The following SEMA5A variants were observed in gnomAD, a reference collection of about 807,000 sequenced individuals.
The protein encoded by SEMA5A is semaphorin 5A.
In SEMA5A, 55 loss-of-function variants were observed where a neutral mutation model predicts 135.5. The observed-to-expected ratio is 0.41, with a 90% CI of 0.33 to 0.51. SEMA5A has a LOEUF of 0.51. Ranked by LOEUF, SEMA5A falls within the 20% of genes least tolerant of loss-of-function variation. The probability of loss-of-function intolerance (pLI) is 0.37; values close to 1 mark genes in which losing one functional copy is unlikely to be tolerated. For synonymous variants in SEMA5A, 580 were observed against 546.5 expected, an observed-to-expected ratio of 1.06 and a Z score of -0.85; for missense variants, 1,290 against 1,419.9, an observed-to-expected ratio of 0.91 and a Z score of 1.47.
In SEMA5A at chr5:9,062,871, T is replaced by C. The variant is rs1186739521; in HGVS notation, c.2518+16A>G. ...TTGAGTTTTCAGATGTTTTGTAGAC[T>C]ACACAATCCACTTACCTGGGCAGGG... is the stretch of plus-strand genomic sequence containing the variant. On this transcript the variant is annotated intron_variant, in intron 18 of 22. Transcript: ENST00000382496. The C allele has an allele frequency of 5.6e-6, 9 of 1,613,894 alleles. No individual in the cohort carries two copies. In the East Asian group the frequency reaches 2.0e-4, roughly 36 times the overall value.
At chr5:9,170,790 G>A (rs1011914605) in intron 11 of SEMA5A, among the ~76,000 whole-genome samples, 1 of 152,104 alleles carries the variant, frequency 6.6e-6, no homozygotes. Context: ...TCACCCAGTC[G>A]ACAGTAGTTT....
rs1735905585 is a variant in SEMA5A at position 9,040,567 on chromosome 5, A to C, written c.*2330T>G. On this transcript the variant is annotated 3_prime_UTR_variant, in exon 23 of 23. Transcript: ENST00000382496. ...AAATAAGAGAGAGAGAGAAAGGAAGAGAGATAAACAATTTTCCTTTGAACA... is the reference window on the plus strand; with the variant it reads ...AAATAAGAGAGAGAGAGAAAGGAAGCGAGATAAACAATTTTCCTTTGAACA... The C allele has an allele frequency of 6.6e-6, 1 of 152,244 alleles. No individual in the cohort carries two copies. Among genetic ancestry groups the C allele is most frequent in the African/African-American group, 2.4e-5 (1 of 41,470 alleles). The allele number at this position is 152,244 out of a possible 1,614,324, so 9.4% of individuals were successfully genotyped here.
chr5:9,162,562 G>GTGTA (rs1560977227), intron 11 of SEMA5A, among the ~76,000 whole-genome samples: 1 of 63,204 alleles, frequency 1.6e-5, no homozygotes, highest in African/African-American at 5.6e-5. Flanking sequence ...GTGTGTGTGT[G>GTGTA]TGTATATATA....
chr5:9,508,746 C>T (rs963813987), intron 1 of SEMA5A, among the ~76,000 whole-genome samples: 2 of 152,176 alleles, frequency 1.3e-5, no homozygotes, highest in African/African-American at 4.8e-5. Context: ...CCTTCCACAG[C>T]CCTCCTGCCA....
rs536686107 is a variant in SEMA5A at position 9,197,158 on chromosome 5, C to A, written c.1068+10G>T. 3 of 1,614,028 alleles carry A rather than the reference C, an allele frequency of 1.9e-6. No homozygotes were observed. The highest frequency in any genetic ancestry group is 1.1e-5 in the South Asian group (1 of 91,052). On this transcript the variant is annotated intron_variant, in intron 10 of 22. Coordinates refer to ENST00000382496, the MANE Select transcript of SEMA5A (RefSeq NM_003966.3). ...ATGCCAACAGTGCCCCTTTGCCCCC[C>A]GAAAATTACCTGGAAGTGGGGGTTT...
At chr5:9,218,427 T>G (rs990810997) in intron 8 of SEMA5A, among the ~76,000 whole-genome samples, 7 of 152,182 alleles carry the variant, frequency 4.6e-5, no homozygotes, top group African/African-American at 1.7e-4. Context: ...TAAAAGTTAG[T>G]GACTGCTCTA....
rs771022139 is a variant in SEMA5A at position 9,122,735 on chromosome 5, G to A, written c.1702C>T (p.Arg568Cys). 9.3e-6 allele frequency: 15 copies of A among 1,613,496 alleles called. No homozygotes were observed. The highest frequency in any genetic ancestry group is 5.0e-5 in the Admixed American group (3 of 59,992). Residue 568 changes from arginine (R) to cysteine (C), a missense_variant, in exon 14 of 23, where the codon CGC becomes TGC. Around this residue, in one of 3 missense-constraint regions of SEMA5A, gnomAD observed 1,029 missense variants for 1,086.6 expected, o/e 0.95. Transcript: ENST00000382496. ...TGCGGGGCCGGGCTGTCGCAGGAGC[G>A]GGTTCGACAGAGGCAGGATCCCACG... Reference protein sequence around the residue: ...SAVGSCLCRTRSCDSPAPQCG... With the variant: ...SAVGSCLCRTCSCDSPAPQCG...
At chr5:9,243,290 C>T (rs1054857846) in intron 5 of SEMA5A, among the ~76,000 whole-genome samples, 2 of 152,178 alleles carry the variant, frequency 1.3e-5, no homozygotes, top group African/African-American at 4.8e-5. Flanking sequence ...CAGGGCATCA[C>T]TGGAACCTCT....
At chr5:9,090,793 G>A (rs1250140000) in intron 16 of SEMA5A, among the ~76,000 whole-genome samples, 1 of 152,116 alleles carries the variant, frequency 6.6e-6, no homozygotes, top group Non-Finnish European at 1.5e-5. Context: ...CATACAGAAG[G>A]GCACAGGAAA....
At chr5:9,408,632 C>A (rs910655339) in intron 2 of SEMA5A, among the ~76,000 whole-genome samples, 1 of 152,108 alleles carries the variant, frequency 6.6e-6, no homozygotes, top group Non-Finnish European at 1.5e-5. Flanking sequence ...GTTGATTTAT[C>A]CTCATAACAG....
intron 21 of SEMA5A, among the ~76,000 whole-genome samples, chr5:9,046,888 C>G (rs1182110564): frequency 6.6e-6 from 1 of 152,176 alleles, no homozygotes; most frequent in Non-Finnish European, 1.5e-5. Context: ...TAATGCAGTT[C>G]CCAGCACAGT....
chr5:9,412,406 C>T (rs1301434722), intron 2 of SEMA5A, among the ~76,000 whole-genome samples: 1 of 151,380 alleles, frequency 6.6e-6, no homozygotes, highest in African/African-American at 2.4e-5. Flanking sequence ...GATTGACCTA[C>T]AATATTCTTT....
At chr5:9,529,401 G>A (rs941791342) in intron 1 of SEMA5A, among the ~76,000 whole-genome samples, 5 of 152,350 alleles carry the variant, frequency 3.3e-5, no homozygotes, top group East Asian at 3.9e-4. Flanking sequence ...AGCCAAGAGC[G>A]TGACCTGCCC....
intron 4 of SEMA5A, among the ~76,000 whole-genome samples, chr5:9,326,881 A>G (rs574325342): frequency 6.6e-6 from 1 of 152,348 alleles, no homozygotes; most frequent in Admixed American, 6.5e-5. Flanking sequence ...TCGTGATCAT[A>G]TCAGTAAATT....
intron 8 of SEMA5A, among the ~76,000 whole-genome samples, chr5:9,213,156 C>T (rs1746431436): frequency 6.6e-6 from 1 of 152,206 alleles, no homozygotes; most frequent in South Asian, 2.1e-4. Flanking sequence ...AATCAGCTCT[C>T]AAATGCCTCA....
chr5:9,369,240 CTGTG>C (rs766555550), intron 3 of SEMA5A, among the ~76,000 whole-genome samples: 1 of 151,844 alleles, frequency 6.6e-6, no homozygotes, highest in African/African-American at 2.4e-5. Context: ...ATGTGTATCT[CTGTG>C]TGTGTGTGTA....
At chr5:9,241,407 C>T (rs1462642266) in intron 5 of SEMA5A, among the ~76,000 whole-genome samples, 1 of 151,784 alleles carries the variant, frequency 6.6e-6, no homozygotes. Context: ...TAAGTGTATT[C>T]CATCAGCCTA....
intron 2 of SEMA5A, among the ~76,000 whole-genome samples, chr5:9,408,756 AG>A (rs1411016026): frequency 6.6e-6 from 1 of 152,258 alleles, no homozygotes; most frequent in Non-Finnish European, 1.5e-5. Context: ...TCCAGGCAGC[AG>A]TCTCACCATG....
intron 5 of SEMA5A, among the ~76,000 whole-genome samples, chr5:9,252,673 T>C (rs1373920261): frequency 6.6e-6 from 1 of 152,116 alleles, no homozygotes; most frequent in Non-Finnish European, 1.5e-5. Context: ...GTAGGACAGA[T>C]CCATCCATTA....
Sources: allele counts gnomAD v4.1 joint callset (sites outside exome capture counted in the v4.1 genomes callset), GRCh38; gene constraint gnomAD v4.1.1; regional missense constraint gnomAD v4.1.1; transcripts MANE v1.5; gene names NCBI Gene and HGNC (gene_info 2026-07-23, HGNC 2026-07-21).